The following BATF variants were observed in gnomAD, a reference collection of about 807,000 sequenced individuals.
BATF encodes basic leucine zipper transcriptional factor ATF-like.
A neutral mutation model predicts 13.7 loss-of-function variants in BATF; 5 were observed. The ratio of observed to expected loss-of-function variants is 0.36; its 90% confidence interval spans 0.19 to 0.77. The LOEUF (loss-of-function observed/expected upper bound fraction) is 0.77. BATF is among the 30% of genes least tolerant of loss of function. The pLI, the probability that BATF is intolerant of heterozygous loss-of-function variation, is 0.51. For missense variants in BATF, 124 were observed against 163.0 expected, an observed-to-expected ratio of 0.76 and a Z score of 1.30; for synonymous variants, 72 against 67.5, an observed-to-expected ratio of 1.07 and a Z score of -0.33.
intron 2 of BATF, among the ~76,000 whole-genome samples, chr14:75,542,960 G>T (rs945595338): frequency 1.3e-5 from 2 of 152,236 alleles, no homozygotes; most frequent in Admixed American, 6.5e-5. Flanking sequence ...CGGGGAGAAG[G>T]TCAGAGTGGC....
At chr14:75,528,589 C>T (rs1281830007) in intron 2 of BATF, among the ~76,000 whole-genome samples, 2 of 152,170 alleles carry the variant, frequency 1.3e-5, no homozygotes, top group Non-Finnish European at 2.9e-5. Flanking sequence ...TGTTTTAATT[C>T]TCCTTTTGTT....
At position 75,525,194 on chromosome 14, in the gene BATF, T is replaced by A; in HGVS notation, c.168+6T>A. On this transcript the variant is annotated splice_donor_region_variant and intron_variant, in intron 2 of 2. Transcript: ENST00000286639. ...AGGCCGACACCCTGCACCTGGTAAGTGTTCAGATCAATCTTCATCCTCGTG... is the reference window on the plus strand; with the variant it reads ...AGGCCGACACCCTGCACCTGGTAAGAGTTCAGATCAATCTTCATCCTCGTG... 6.2e-7 allele frequency: 1 copy of A among 1,612,596 alleles called. No individual in the cohort carries two copies. Among genetic ancestry groups the A allele is most frequent in the Non-Finnish European group, 8.5e-7 (1 of 1,179,214 alleles).
intron 2 of BATF, among the ~76,000 whole-genome samples, chr14:75,529,760 A>T (rs1331071003): frequency 6.6e-6 from 1 of 152,058 alleles, no homozygotes. Context: ...GATGATTAAC[A>T]ACCCAAAAGA....
intron 2 of BATF, among the ~76,000 whole-genome samples, chr14:75,530,898 G>A (rs1887722125): frequency 6.6e-6 from 1 of 152,170 alleles, no homozygotes; most frequent in Admixed American, 6.5e-5. Flanking sequence ...ATAAAAAATT[G>A]TTAATGATAT....
intron 2 of BATF, among the ~76,000 whole-genome samples, chr14:75,529,445 C>T (rs1437555607): frequency 6.6e-6 from 1 of 151,492 alleles, no homozygotes; most frequent in Admixed American, 6.6e-5. Flanking sequence ...ACCAGCCTGG[C>T]CAACATGGTA....
intron 2 of BATF, among the ~76,000 whole-genome samples, chr14:75,533,698 T>C (rs1190559215): frequency 6.6e-6 from 1 of 152,120 alleles, no homozygotes; most frequent in Non-Finnish European, 1.5e-5. Flanking sequence ...CCCCTTCAGA[T>C]TGTGGGATAT....
intron 2 of BATF, among the ~76,000 whole-genome samples, chr14:75,544,117 G>A (rs1015029484): frequency 1.3e-5 from 2 of 152,050 alleles, no homozygotes; most frequent in Non-Finnish European, 2.9e-5. Flanking sequence ...ATAAGTGCTT[G>A]AATAATTAAA....
intron 2 of BATF, among the ~76,000 whole-genome samples, chr14:75,530,061 CAAAAAAA>C (rs56386431): frequency 9.1e-6 from 1 of 109,916 alleles, no homozygotes; most frequent in African/African-American, 3.7e-5. Flanking sequence ...GAGACTCCGT[CAAAAAAA>C]AAAAAAAAAA....
intron 2 of BATF, 109 bp from the exon 3 acceptor site, chr14:75,546,352 TG>T (rs1887985639): frequency 9.4e-7 from 1 of 1,065,642 alleles, no homozygotes; most frequent in Non-Finnish European, 1.4e-6. Context: ...CCCTTCTCCA[TG>T]GCTGTGCTAG....
At chr14:75,530,799 C>A (rs1376206171) in intron 2 of BATF, among the ~76,000 whole-genome samples, 1 of 152,114 alleles carries the variant, frequency 6.6e-6, no homozygotes, top group Non-Finnish European at 1.5e-5. Context: ...CAGGTGTGAG[C>A]AACAGCACCC....
rs1212750990 is a variant in BATF, at chr14:75,522,478, G to A, written c.-205G>A. On this transcript the variant is annotated 5_prime_UTR_variant, in exon 1 of 3. Transcript: ENST00000286639. ...AGAGCGTGCAAGCCCCAAAGCGAGC[G>A]ACATGTCCCTTTGGGGAGCAGTCCC... The A allele has an allele frequency of 5.2e-6, 3 of 573,130 alleles. No homozygotes were observed. Among genetic ancestry groups the A allele is most frequent in the Non-Finnish European group, 6.2e-6 (2 of 320,420 alleles). The allele number at this position is 573,130 out of a possible 1,614,324, so 35.5% of individuals were successfully genotyped here. A position where few individuals can be genotyped will look rare whatever the true frequency, so the allele number is the denominator to read the frequency against.
At position 75,522,617 on chromosome 14, in the gene BATF, C is replaced by T; in HGVS notation, c.-66C>T. 4.4e-6 allele frequency: 7 copies of T among 1,597,544 alleles called. No homozygotes were observed. Among genetic ancestry groups the T allele is most frequent in the Non-Finnish European group, 6.0e-6 (7 of 1,165,392 alleles). On this transcript the variant is annotated 5_prime_UTR_variant, in exon 1 of 3. Coordinates refer to ENST00000286639, the MANE Select transcript of BATF (RefSeq NM_006399.5). ...GCCCAGGAGAAGTCAGGAAGGGAGCCCAGCTGGTGACAAGAGAGCCCAGAG... is the reference window on the plus strand; with the variant it reads ...GCCCAGGAGAAGTCAGGAAGGGAGCTCAGCTGGTGACAAGAGAGCCCAGAG...
At chr14:75,539,424 A>AT (rs1162218076) in intron 2 of BATF, among the ~76,000 whole-genome samples, 1,406 of 58,512 alleles carry the variant, frequency 0.024, 86 homozygotes, top group East Asian at 0.063. Context: ...GTAAGCTGGA[A>AT]TTTTTTTTTT....
chr14:75,522,795 G>A (rs763930038), intron 1 of BATF, 50 bp downstream of exon 1: 1 of 1,608,846 alleles, frequency 6.2e-7, no homozygotes, highest in South Asian at 1.1e-5. Flanking sequence ...CCTGGGGGAT[G>A]GAAAGAGAGC....
intron 2 of BATF, among the ~76,000 whole-genome samples, chr14:75,546,087 C>CCCCACCTCAGGCAATCCG (rs1348993573): frequency 2.0e-5 from 3 of 152,100 alleles, no homozygotes; most frequent in African/African-American, 7.2e-5. Context: ...GTCTCAAACT[C>CCCCACCTCAGGCAATCCG]CCCACCTCAG....
intron 2 of BATF, among the ~76,000 whole-genome samples, chr14:75,541,148 A>T (rs1399811215): frequency 6.6e-6 from 1 of 152,172 alleles, no homozygotes; most frequent in Non-Finnish European, 1.5e-5. Flanking sequence ...TTTTAAAAAA[A>T]TTTTGGTTTC....
chr14:75,546,180 A>G (rs1887982660), intron 2 of BATF, among the ~76,000 whole-genome samples: 1 of 152,160 alleles, frequency 6.6e-6, no homozygotes, highest in South Asian at 2.1e-4. Flanking sequence ...CTATTCTTAT[A>G]GGTCACAACA....
At chr14:75,540,052 G>A (rs572302283) in intron 2 of BATF, among the ~76,000 whole-genome samples, 1 of 152,258 alleles carries the variant, frequency 6.6e-6, no homozygotes, top group African/African-American at 2.4e-5. Flanking sequence ...ATGTCCTGTT[G>A]AGGAGAAAAT....
chr14:75,538,725 C>T (rs1887853597), intron 2 of BATF, among the ~76,000 whole-genome samples: 1 of 152,142 alleles, frequency 6.6e-6, no homozygotes, highest in Non-Finnish European at 1.5e-5. Flanking sequence ...CACGGTGAAA[C>T]CATGTCTCTA....
Sources: gnomAD v4.1 joint callset for allele counts (sites outside exome capture counted in the v4.1 genomes callset) on GRCh38, gnomAD v4.1.1 for gene constraint, MANE v1.5 for transcripts, NCBI Gene and HGNC (gene_info 2026-07-23, HGNC 2026-07-21) for gene names.